Variants in ANXA8 observed in about 807,000 individuals in gnomAD.
ANXA8 encodes annexin A8, also known as VAC-beta.
Under a neutral mutation model 26.8 loss-of-function variants are expected in ANXA8, and 9 were observed. That is an observed-to-expected ratio of 0.34 (90% confidence interval 0.20 to 0.59). The LOEUF is 0.59. Ranked by LOEUF, ANXA8 falls within the 20% of genes least tolerant of loss-of-function variation. The pLI is 0.84. For missense variants in ANXA8, 83 were observed against 238.5 expected (o/e 0.35, Z 4.29); for synonymous variants, 39 against 94.8 (o/e 0.41, Z 3.42).
chr10:47,548,599 C>T, the ANXA8 span, among the ~76,000 whole-genome samples: 6 of 144,788 alleles, frequency 4.1e-5, no homozygotes, highest in Non-Finnish European at 6.1e-5. Context: ...CTGTGTCTGG[C>T]CTTTTTTTCT....
At position 47,475,070 on chromosome 10, in the gene ANXA8, G is replaced by T; in HGVS notation, c.493-66C>A. ...ACCAGAGCATTAAGGGCACAGGGGG[G>T]ATCCTGGGCTTGGAGGGCAGGCATG... is the stretch of plus-strand genomic sequence containing the variant. On this transcript the variant is annotated intron_variant, in intron 6 of 11. Coordinates refer to ENST00000585281, the MANE Select transcript of ANXA8 (RefSeq NM_001040084.3). 2 of 1,522,214 alleles carry T rather than the reference G, an allele frequency of 1.3e-6. 1 individual carries two copies. Among genetic ancestry groups the T allele is most frequent in the Non-Finnish European group, 1.8e-6 (2 of 1,121,898 alleles). 94.3% of individuals were successfully genotyped at this position (1,522,214 alleles called of 1,614,324 possible).
chr10:47,487,972 T>G (rs1461085400), upstream of ANXA8, among the ~76,000 whole-genome samples: 1 of 150,214 alleles, frequency 6.7e-6, no homozygotes, highest in South Asian at 2.1e-4. Context: ...AAATCCTCAG[T>G]CTTAATGTAA....
chr10:47,654,111 G>A, the ANXA8 span, among the ~76,000 whole-genome samples: 4 of 151,830 alleles, frequency 2.6e-5, no homozygotes, highest in Admixed American at 6.6e-5. Flanking sequence ...ATAATGATAA[G>A]CACGTCCATT....
At chr10:47,614,647 T>C in the ANXA8 span, among the ~76,000 whole-genome samples, 2 of 67,862 alleles carry the variant, frequency 2.9e-5, 1 homozygote, top group Non-Finnish European at 7.4e-5. Flanking sequence ...TCCTTTCTTT[T>C]CTTTTCTTTT....
At chr10:47,490,435 G>C in the ANXA8 span, 1 of 151,680 alleles carries the variant, frequency 6.6e-6, no homozygotes, top group Non-Finnish European at 1.5e-5. Flanking sequence ...GGGCGCTATC[G>C]CGAGTGTGGA....
chr10:47,699,319 G>A, the ANXA8 span, among the ~76,000 whole-genome samples: 1 of 129,574 alleles, frequency 7.7e-6, no homozygotes, highest in Non-Finnish European at 1.6e-5. Flanking sequence ...ACTGCAGCCT[G>A]AGGGACAGAG....
chr10:47,745,629 G>A, the ANXA8 span, among the ~76,000 whole-genome samples: 1 of 125,102 alleles, frequency 8.0e-6, no homozygotes, highest in African/African-American at 2.7e-5. Flanking sequence ...CAATGGCATC[G>A]AGGCCCAAAA....
chr10:47,566,458 G>GCT, the ANXA8 span, among the ~76,000 whole-genome samples: 7 of 151,282 alleles, frequency 4.6e-5, no homozygotes, highest in Non-Finnish European at 1.0e-4. Context: ...CACCGCCCCT[G>GCT]CTCTCTCCCT....
the ANXA8 span, among the ~76,000 whole-genome samples, chr10:47,696,141 T>A: frequency 6.6e-6 from 1 of 151,924 alleles, no homozygotes; most frequent in South Asian, 2.1e-4. Flanking sequence ...AAATAAAAGC[T>A]ATTAAACCTT....
the ANXA8 span, among the ~76,000 whole-genome samples, chr10:47,953,838 T>C: frequency 6.6e-6 from 1 of 150,728 alleles, no homozygotes; most frequent in African/African-American, 2.5e-5. Flanking sequence ...AAAACTACAA[T>C]GGGATCTCAT....
At chr10:47,953,428 G>A in the ANXA8 span, among the ~76,000 whole-genome samples, 1 of 150,820 alleles carries the variant, frequency 6.6e-6, no homozygotes, top group African/African-American at 2.5e-5. Context: ...CTGAATTTTT[G>A]TAAGAATCGG....
chr10:47,659,432 C>A, the ANXA8 span, among the ~76,000 whole-genome samples: 20 of 151,572 alleles, frequency 1.3e-4, no homozygotes, highest in Non-Finnish European at 2.2e-4. Flanking sequence ...GTAATCCCAG[C>A]GCTTTGGGAG....
chr10:47,744,039 G>C, the ANXA8 span, among the ~76,000 whole-genome samples: 2 of 148,464 alleles, frequency 1.3e-5, no homozygotes, highest in African/African-American at 2.5e-5. Context: ...GGGGTAGGGA[G>C]GGCGGAAGGA....
chr10:47,689,231 G>A, the ANXA8 span, among the ~76,000 whole-genome samples: 3 of 151,612 alleles, frequency 2.0e-5, no homozygotes, highest in African/African-American at 4.8e-5. Context: ...CCAGGCTAGA[G>A]TGCAGTGGTG....
At chr10:47,530,586 G>A in the ANXA8 span, among the ~76,000 whole-genome samples, 2 of 151,110 alleles carry the variant, frequency 1.3e-5, no homozygotes, top group African/African-American at 4.9e-5. Context: ...CCAGCTACTC[G>A]GGAGGCTGAG....
the ANXA8 span, chr10:47,563,519 T>C: frequency 2.8e-6 from 2 of 713,764 alleles, no homozygotes; most frequent in South Asian, 1.5e-5. Flanking sequence ...TGTAGCTTTC[T>C]TTTTTGAAAC....
chr10:47,566,517 C>A, the ANXA8 span, among the ~76,000 whole-genome samples: 2 of 151,038 alleles, frequency 1.3e-5, no homozygotes, highest in African/African-American at 4.9e-5. Context: ...ACCTGGTGTG[C>A]CCCAGAGAGG....
the ANXA8 span, among the ~76,000 whole-genome samples, chr10:47,658,261 G>T: frequency 6.6e-6 from 1 of 150,664 alleles, no homozygotes; most frequent in East Asian, 1.9e-4. Context: ...CCAACTACTC[G>T]GGTAGTCCCA....
chr10:47,655,395 T>C, the ANXA8 span, among the ~76,000 whole-genome samples: 1 of 151,604 alleles, frequency 6.6e-6, no homozygotes, highest in Non-Finnish European at 1.5e-5. Context: ...GCAGCCTGGG[T>C]GAGCACACAA....
Sources: gnomAD v4.1 joint callset for allele counts (sites outside exome capture counted in the v4.1 genomes callset) on GRCh38, gnomAD v4.1.1 for gene constraint, MANE v1.5 for transcripts, NCBI Gene and HGNC (gene_info 2026-07-23, HGNC 2026-07-21) for gene names.